Variants in UTP14A observed in about 807,000 individuals in gnomAD.
UTP14A encodes the protein U3 small nucleolar RNA-associated protein 14 homolog A.
A neutral mutation model predicts 57.2 loss-of-function variants in UTP14A; 5 were observed. The ratio of observed to expected loss-of-function variants is 0.09; its 90% CI spans 0.05 to 0.18. The LOEUF (loss-of-function observed/expected upper bound fraction) is 0.18, where lower values mean the gene tolerates loss of function less well. Among genes scored for constraint, UTP14A ranks in the 10% least tolerant of loss-of-function variants. The probability of loss-of-function intolerance (pLI) is 1.00; values close to 1 mark genes in which losing one functional copy is unlikely to be tolerated. For synonymous variants in UTP14A, 169 were observed against 210.9 expected (o/e 0.80, Z 1.72); for missense variants, 430 against 562.1 (o/e 0.76, Z 2.38).
Position 129,918,582 on chromosome X carries a change from T to C in UTP14A, c.538-593T>C, listed in dbSNP as rs1030186675. Among the ~76,000 whole-genome samples, 9 of 111,130 alleles carry C rather than the reference T, an allele frequency of 8.1e-5. No individual in the cohort carries two copies. The Admixed American group carries it at 8.6e-4, about 11-fold the overall frequency. On this transcript the variant is annotated intron_variant, in intron 6 of 14. Transcript: ENST00000394422. ...TAAGAGAATGGAAATCAGTTTAACA[T>C]ATATTGGTAATCTGGGCCGGCGCGG...
At chrX:129,907,327 G>A (rs771209999) in intron 1 of UTP14A, 40 bp from the exon 2 acceptor site, 29 of 1,120,295 alleles carry the variant, frequency 2.6e-5, no homozygotes, top group South Asian at 3.9e-5. Flanking sequence ...TGTTACATGG[G>A]TATATTGCAT....
intron 6 of UTP14A, among the ~76,000 whole-genome samples, chrX:129,914,882 C>T (rs901985306): frequency 1.8e-5 from 2 of 112,058 alleles, no homozygotes; most frequent in African/African-American, 3.2e-5. Flanking sequence ...TACTGGAGAT[C>T]GGAGAGTCAC....
rs111658185 is a variant in UTP14A, at chrX:129,911,975, A to G, written c.537+54A>G. On this transcript the variant is annotated intron_variant, in intron 6 of 14. Coordinates refer to ENST00000394422, the MANE Select transcript of UTP14A (RefSeq NM_006649.4). ...TGAGATTTTATAAGTTGGAGATTTC[A>G]GAGCCTGCAATTGATTTGATTGGAC... The G allele has an allele frequency of 1.5e-4, 180 of 1,175,919 alleles. 1 individual carries two copies. In the African/African-American group the frequency reaches 2.1e-3, roughly 13 times the overall value.
chrX:129,921,716 T>A, intron 11 of UTP14A, 129 bp downstream of exon 11: 1 of 672,673 alleles, frequency 1.5e-6, no homozygotes, highest in Non-Finnish European at 2.1e-6. Context: ...CAAGAGTGCG[T>A]ACACTGGATC....
chrX:129,929,706 G>A lies in UTP14A; in HGVS notation c.*98G>A, dbSNP rs1930246760. Reference sequence around the variant, plus strand: ...GATTCCAAAACTGGCTCAGTACATTGCATGTAGTTAAGCCACATTTTAAAA... The same window carrying A: ...GATTCCAAAACTGGCTCAGTACATTACATGTAGTTAAGCCACATTTTAAAA... On this transcript the variant is annotated 3_prime_UTR_variant, in exon 15 of 15. Coordinates refer to ENST00000394422, the MANE Select transcript of UTP14A (RefSeq NM_006649.4). 9.9e-7 allele frequency: 1 copy of A among 1,009,303 alleles called. No homozygotes were observed. Among genetic ancestry groups the A allele is most frequent in the South Asian group, 2.3e-5 (1 of 42,749 alleles). The allele number at this position is 1,009,303 out of a possible 1,213,427, so 83.2% of individuals were successfully genotyped here. A position where few individuals can be genotyped will look rare whatever the true frequency, so the allele number is the denominator to read the frequency against.
chrX:129,915,264 G>A (rs1406263181), intron 6 of UTP14A, among the ~76,000 whole-genome samples: 1 of 111,479 alleles, frequency 9.0e-6, no homozygotes, highest in African/African-American at 3.3e-5. Context: ...GGTGGCTCAC[G>A]CCTGTAATCC....
At chrX:129,915,277 G>A (rs753160953) in intron 6 of UTP14A, among the ~76,000 whole-genome samples, 1 of 111,873 alleles carries the variant, frequency 8.9e-6, no homozygotes, top group East Asian at 2.8e-4. Context: ...TGTAATCCCA[G>A]CACTTTGGGA....
At chrX:129,921,802 C>T (rs1241109347) in intron 11 of UTP14A, 6 of 396,603 alleles carry the variant, frequency 1.5e-5, no homozygotes, top group East Asian at 8.5e-5. Context: ...GGCCGTGCAA[C>T]GTGGTTCAGG....
intron 6 of UTP14A, among the ~76,000 whole-genome samples, chrX:129,916,704 C>T (rs949672189): frequency 8.9e-6 from 1 of 112,116 alleles, no homozygotes; most frequent in East Asian, 2.8e-4. Flanking sequence ...GATCATTGCT[C>T]TCCTGCTTAA....
rs1406645026 is a variant in UTP14A at position 129,925,167 on chromosome X, C to A, written c.1721C>A (p.Ser574Tyr). ...LLTTQSPSVK[S>Y]LAVPTIEELE... The stretch of plus-strand genomic sequence containing the variant: ...ACCACACAATCTCCCTCCGTGAAGT[C>A]TTTGGCAGTTCCCACAATAGAGGAG... The change falls in exon 12 of 15, where the codon TCT becomes TAT. Residue 574 changes from serine (S) to tyrosine (Y), a missense_variant. This residue lies in a region of UTP14A where 120 missense variants were observed against 116.8 expected (regional missense o/e 1.03). Coordinates refer to ENST00000394422, the MANE Select transcript of UTP14A (RefSeq NM_006649.4). 2.5e-6 allele frequency: 3 copies of A among 1,208,521 alleles called. No homozygotes were observed. Among genetic ancestry groups the A allele is most frequent in the Non-Finnish European group, 3.4e-6 (3 of 894,697 alleles).
rs775794994 is a variant in UTP14A at position 129,918,951 on chromosome X, G to T, written c.538-224G>T. ...TCCCCCTCAGCAGTATTAGAGAGTA[G>T]CCTCAGCGTCTCCCTGCTGAAGTTG... On this transcript the variant is annotated intron_variant, in intron 6 of 14. Coordinates refer to ENST00000394422, the MANE Select transcript of UTP14A (RefSeq NM_006649.4). 2.7e-5 allele frequency among the ~76,000 whole-genome samples: 3 copies of T among 111,064 alleles called. No homozygotes were observed. The East Asian group carries it at 8.4e-4, about 31-fold the overall frequency.
At position 129,908,720 on chromosome X, in the gene UTP14A, A is replaced by G. The variant is rs559624014; in HGVS notation, c.224A>G (p.Asn75Ser). The G allele has an allele frequency of 1.9e-4, 233 of 1,209,471 alleles. No individual in the cohort carries two copies. The South Asian group carries it at 3.8e-3, about 20-fold the overall frequency. The change falls in exon 4 of 15, where the codon AAT becomes AGT. Residue 75 changes from asparagine (N) to serine (S), a missense_variant. Transcript: ENST00000394422. Reference sequence around the variant, plus strand: ...GCTAGTCTGAAGGTGTCAGAGTTCAATGTCAGTTCTGAAGGTAAGTTGAAC... The same window carrying G: ...GCTAGTCTGAAGGTGTCAGAGTTCAGTGTCAGTTCTGAAGGTAAGTTGAAC... ...SEASLKVSEFNVSSEGSGEKL... is the reference protein window; with the variant it reads ...SEASLKVSEFSVSSEGSGEKL...
intron 8 of UTP14A, 131 bp downstream of exon 8, chrX:129,919,620 T>A: frequency 1.4e-6 from 1 of 725,468 alleles, no homozygotes; most frequent in Non-Finnish European, 2.0e-6. Flanking sequence ...CAGGAGTGAC[T>A]AGCCTTTTGT....
In UTP14A at chrX:129,929,474, A is replaced by G. The variant is rs768422067; in HGVS notation, c.2182A>G (p.Ile728Val). The G allele has an allele frequency of 8.3e-7, 1 of 1,211,922 alleles. No homozygotes were observed. Among genetic ancestry groups the G allele is most frequent in the Non-Finnish European group, 1.1e-6 (1 of 895,597 alleles). ...CAAGGTCGTCACCAAGCCAGGCCAT[A>G]TCATTAACCCCATAAAAGCAGAAGA... The part of the protein sequence containing the change: ...TPKVVTKPGH[I>V]INPIKAEDVG... The change falls in exon 15 of 15, where the codon ATC becomes GTC. Residue 728 changes from isoleucine (I) to valine (V), a missense_variant. By Grantham distance (29) the Ile-to-Val change is conservative. Around this residue, in one of 4 missense-constraint regions of UTP14A, gnomAD observed 82 missense variants for 151.4 expected, o/e 0.54. Transcript: ENST00000394422.
At chrX:129,908,006 T>C (rs1929318433) in intron 2 of UTP14A, 54 bp from the exon 3 acceptor site, 3 of 986,662 alleles carry the variant, frequency 3.0e-6, no homozygotes, top group Non-Finnish European at 4.3e-6. Flanking sequence ...TCAATTTCCA[T>C]GTTGTCTTTT....
chrX:129,908,790 T>C, intron 4 of UTP14A, 56 bp downstream of exon 4: 1 of 1,098,523 alleles, frequency 9.1e-7, no homozygotes, highest in Non-Finnish European at 1.3e-6. Flanking sequence ...TCCAAGGGCA[T>C]TGTGTTCACC....
intron 3 of UTP14A, 184 bp from the exon 4 acceptor site, chrX:129,908,485 GA>G (rs1266806918): frequency 3.1e-5 from 15 of 481,118 alleles, no homozygotes; most frequent in Non-Finnish European, 5.1e-5. Context: ...AAAGAGAAGA[GA>G]TGAGGGTTAG....
At chrX:129,917,438 GAAACTA>G (rs2124204213) in intron 6 of UTP14A, among the ~76,000 whole-genome samples, 1 of 112,075 alleles carries the variant, frequency 8.9e-6, no homozygotes, top group South Asian at 3.7e-4. Flanking sequence ...TGTGAGGTTT[GAAACTA>G]GCTCTGTTGC....
At chrX:129,927,497 A>G (rs1419761929) in intron 14 of UTP14A, among the ~76,000 whole-genome samples, 1 of 111,149 alleles carries the variant, frequency 9.0e-6, no homozygotes, top group Non-Finnish European at 1.9e-5. Context: ...TCCAGAGACT[A>G]CTGATTTTTG....
Sources: gnomAD v4.1 joint callset for allele counts (sites outside exome capture counted in the v4.1 genomes callset) on GRCh38, gnomAD v4.1.1 for gene constraint, gnomAD v4.1.1 regional missense constraint, MANE v1.5 for transcripts, NCBI Gene and HGNC (gene_info 2026-07-23, HGNC 2026-07-21) for gene names.